BLNK: variants seen among roughly 807,000 people sequenced by gnomAD.
The protein encoded by BLNK is B cell linker.
In BLNK, 29 loss-of-function variants were observed where a neutral mutation model predicts 73.5. That is an observed-to-expected ratio of 0.39 (90% CI 0.29 to 0.54). The LOEUF is 0.54. BLNK is among the 20% of genes least tolerant of loss of function. BLNK has a pLI of 0.61. For synonymous variants in BLNK, 176 were observed against 200.8 expected, an observed-to-expected ratio of 0.88 and a Z score of 1.04; for missense variants, 460 against 562.8, an observed-to-expected ratio of 0.82 and a Z score of 1.85.
chr10:96,205,335 T>C (rs1197151718), intron 11 of BLNK: 2 of 152,784 alleles, frequency 1.3e-5, no homozygotes, highest in African/African-American at 4.8e-5. Context: ...GTGGGGTGTG[T>C]TAAAATCTTG....
intron 15 of BLNK, among the ~76,000 whole-genome samples, chr10:96,197,930 A>G (rs2083516771): frequency 6.6e-6 from 1 of 151,086 alleles, no homozygotes; most frequent in African/African-American, 2.4e-5. Context: ...AAAAAGAAAG[A>G]AAAAGAAAAA....
At chr10:96,218,525 C>T (rs1554900341) in intron 6 of BLNK, among the ~76,000 whole-genome samples, 1 of 152,056 alleles carries the variant, frequency 6.6e-6, no homozygotes, top group African/African-American at 2.4e-5. Context: ...AACCCTGTCT[C>T]TACAAAAAAT....
intron 3 of BLNK, among the ~76,000 whole-genome samples, chr10:96,235,729 G>A (rs1473215214): frequency 6.6e-6 from 1 of 152,176 alleles, no homozygotes; most frequent in Non-Finnish European, 1.5e-5. Context: ...GGATGAGCAG[G>A]ATTTGGGTGA....
intron 3 of BLNK, among the ~76,000 whole-genome samples, chr10:96,235,706 A>G (rs1842665446): frequency 6.6e-6 from 1 of 152,206 alleles, no homozygotes. Context: ...GTGGGGCCGA[A>G]TGGGGCCTTG....
rs976275612 is a variant in BLNK, at chr10:96,254,597, G to A, written c.48-7548C>T. ...ACGATCTCAGCTCACTGCAACCTCC[G>A]CCTCCCAGGTTCAAGTGATTCTCCT... On this transcript the variant is annotated intron_variant, in intron 1 of 16. Transcript: ENST00000224337. 2.0e-5 allele frequency among the ~76,000 whole-genome samples: 3 copies of A among 151,584 alleles called. 1 individual carries two copies. Among genetic ancestry groups the A allele is most frequent in the African/African-American group, 4.9e-5 (2 of 41,042 alleles).
At chr10:96,226,857 A>C (rs1411011061) in intron 5 of BLNK, among the ~76,000 whole-genome samples, 1 of 151,842 alleles carries the variant, frequency 6.6e-6, no homozygotes, top group African/African-American at 2.4e-5. Flanking sequence ...ACAAAACAAA[A>C]AAAAAAACAG....
chr10:96,189,734 C>CA lies in BLNK; in HGVS notation c.*2238_*2239insT. ...TCATCATCATCATCATCATCATCAT[C>CA]TTCATCAGCAGCAAGTTTTACTTTT... On this transcript the variant is annotated 3_prime_UTR_variant, in exon 17 of 17. Coordinates refer to ENST00000224337, the MANE Select transcript of BLNK (RefSeq NM_013314.4). 1.4e-6 allele frequency: 1 copy of CA among 729,078 alleles called. No homozygotes were observed. Among genetic ancestry groups the CA allele is most frequent in the South Asian group, 1.4e-5 (1 of 71,950 alleles). The allele number at this position is 729,078 out of a possible 1,614,324, so 45.2% of individuals were successfully genotyped here.
Position 96,259,670 on chromosome 10 carries a change from CTTTTTTTTTT to C in BLNK, c.47+11672_47+11681del, listed in dbSNP as rs57821919. Among the ~76,000 whole-genome samples the C allele has an allele frequency of 1.8e-4, 8 of 44,872 alleles. No homozygotes were observed. The East Asian group carries it at 3.2e-3, about 18-fold the overall frequency. 29.4% of individuals were successfully genotyped at this position (44,872 alleles called of 152,430 possible). A position where few individuals can be genotyped will look rare whatever the true frequency, so the allele number is the denominator to read the frequency against. On this transcript the variant is annotated intron_variant, in intron 1 of 16. Coordinates refer to ENST00000224337, the MANE Select transcript of BLNK (RefSeq NM_013314.4). ...TTTCTCCAAACAGTTCACACCCTAC[CTTTTTTTTTT>C]TTTTTTTTTTTTTGCTTGTTTCTTT...
Position 96,191,966 on chromosome 10 carries a change from T to TC in BLNK, c.*6dup, listed in dbSNP as rs1450068789. 16 of 1,613,572 alleles carry TC rather than the reference T, an allele frequency of 9.9e-6. No individual in the cohort carries two copies. The highest frequency in any genetic ancestry group is 5.3e-5 in the African/African-American group (4 of 75,010). On this transcript the variant is annotated 3_prime_UTR_variant, in exon 17 of 17. Transcript: ENST00000224337. ...GAAGCAATGGTATTGATCTTTTTTTTCCCCCTTTATGAAACTTTAACTGCA... is the reference window on the plus strand; with the variant it reads ...GAAGCAATGGTATTGATCTTTTTTTTCCCCCCTTTATGAAACTTTAACTGCA...
chr10:96,246,745 A>G (rs1349229426), intron 2 of BLNK, among the ~76,000 whole-genome samples: 3 of 152,240 alleles, frequency 2.0e-5, no homozygotes, highest in Non-Finnish European at 4.4e-5. Flanking sequence ...TTGAATGGGC[A>G]TAGCTCACCT....
At chr10:96,246,875 T>A (rs1319518719) in intron 2 of BLNK, 109 bp downstream of exon 2, 6 of 799,226 alleles carry the variant, frequency 7.5e-6, no homozygotes, top group Non-Finnish European at 1.2e-5. Flanking sequence ...GGTTACGTGC[T>A]AAAGAGGTAG....
intron 1 of BLNK, among the ~76,000 whole-genome samples, chr10:96,267,689 C>T (rs1844072840): frequency 1.3e-5 from 2 of 152,206 alleles, no homozygotes; most frequent in Admixed American, 1.3e-4. Flanking sequence ...ATGTTTGTCA[C>T]ATCTGCAGTC....
chr10:96,192,178 G>C, intron 16 of BLNK, 86 bp from the exon 17 acceptor site: 1 of 1,549,496 alleles, frequency 6.5e-7, no homozygotes, highest in Non-Finnish European at 8.8e-7. Context: ...TCATTCTCAA[G>C]TTAGTAAAAG....
chr10:96,200,813 AAAC>A lies in BLNK; in HGVS notation c.1011+166_1011+168del, dbSNP rs1452769754. Among the ~76,000 whole-genome samples the A allele has an allele frequency of 9.2e-5, 14 of 152,360 alleles. No homozygotes were observed. The South Asian group carries it at 1.0e-3, about 11-fold the overall frequency. On this transcript the variant is annotated intron_variant, in intron 14 of 16. Transcript: ENST00000224337. The surrounding 1 kb of genome is among the most constrained non-coding windows in gnomAD (Gnocchi z 4.3). ...GAGCAATGTCTTAGTCATTGAAAAA[AAAC>A]AACAACTGGGTATTCTGTCCCTATT...
chr10:96,264,019 G>C (rs1164421970), intron 1 of BLNK, among the ~76,000 whole-genome samples: 1 of 152,190 alleles, frequency 6.6e-6, no homozygotes, highest in Non-Finnish European at 1.5e-5. Flanking sequence ...CCCATCAGCA[G>C]GTGAGGCCCA....
chr10:96,229,283 C>A lies in BLNK; in HGVS notation c.204+1511G>T, dbSNP rs10786271. On this transcript the variant is annotated intron_variant, in intron 4 of 16. Coordinates refer to ENST00000224337, the MANE Select transcript of BLNK (RefSeq NM_013314.4). ...CTCTGGTAAACATCATTCTACTGTCCGTCTTTATGAGTTCAAGTGTTTTAA... is the reference window on the plus strand; with the variant it reads ...CTCTGGTAAACATCATTCTACTGTCAGTCTTTATGAGTTCAAGTGTTTTAA... Among the ~76,000 whole-genome samples the A allele has an allele frequency of 6.4e-4, 97 of 150,796 alleles. 1 individual carries two copies. The East Asian group carries it at 0.019, about 29-fold the overall frequency.
chr10:96,263,949 T>G (rs1554913587), intron 1 of BLNK, among the ~76,000 whole-genome samples: 1 of 152,152 alleles, frequency 6.6e-6, no homozygotes. Context: ...AGCATCACAC[T>G]TCAGGGTTCT....
In BLNK at chr10:96,191,018, G is replaced by C. The variant is rs1368993598; in HGVS notation, c.*955C>G. The stretch of plus-strand genomic sequence containing the variant: ...CATAATCCCCACGTGCCATGGGAGG[G>C]ACCTGGTGGGAGGTAACTGAATCAC... On this transcript the variant is annotated 3_prime_UTR_variant, in exon 17 of 17. Coordinates refer to ENST00000224337, the MANE Select transcript of BLNK (RefSeq NM_013314.4). Among the ~76,000 whole-genome samples, 11 of 152,130 alleles carry C rather than the reference G, an allele frequency of 7.2e-5. No individual in the cohort carries two copies. Among genetic ancestry groups the C allele is most frequent in the African/African-American group, 2.7e-4 (11 of 41,434 alleles).
In BLNK at chr10:96,200,034, T is replaced by C. The variant is rs782281490; in HGVS notation, c.1095+41A>G. ...ATCATCTCAAAACAAATAAATAAAATAAAATAAAATAAAAATAATAAATAA... is the reference window on the plus strand; with the variant it reads ...ATCATCTCAAAACAAATAAATAAAACAAAATAAAATAAAAATAATAAATAA... On this transcript the variant is annotated intron_variant, in intron 15 of 16. Transcript: ENST00000224337. This position sits in a 1 kb window ranked among gnomAD's most constrained non-coding sequence, Gnocchi z 4.3. 1 of 1,287,056 alleles carries C rather than the reference T, an allele frequency of 7.8e-7. No homozygotes were observed. The highest frequency in any genetic ancestry group is 2.3e-5 in the South Asian group (1 of 43,864). The allele number at this position is 1,287,056 out of a possible 1,614,324, so 79.7% of individuals were successfully genotyped here.
Sources: gnomAD v4.1 joint callset for allele counts (sites outside exome capture counted in the v4.1 genomes callset) on GRCh38, gnomAD v4.1.1 for gene constraint, Gnocchi (gnomAD v3.1) non-coding constraint, MANE v1.5 for transcripts, NCBI Gene and HGNC (gene_info 2026-07-23, HGNC 2026-07-21) for gene names.